The following TAMALIN variants were observed in gnomAD, a reference collection of about 807,000 sequenced individuals.
TAMALIN encodes the protein protein TAMALIN.
TAMALIN carries 9 observed loss-of-function variants against 38.5 expected under a neutral mutation model. The observed-to-expected ratio is 0.23, with a 90% CI of 0.14 to 0.41. The LOEUF is 0.41. Ranked by LOEUF, TAMALIN falls within the 10% of genes least tolerant of loss-of-function variation. The probability of loss-of-function intolerance (pLI) is 1.00; values close to 1 mark genes in which losing one functional copy is unlikely to be tolerated. For synonymous variants in TAMALIN, 306 were observed against 256.5 expected (o/e 1.19, Z -1.85); for missense variants, 548 against 554.1 (o/e 0.99, Z 0.11).
At position 52,008,666 on chromosome 12, in the gene TAMALIN, G is replaced by A. The variant is rs557000564; in HGVS notation, c.247-524G>A. Reference sequence around the variant, plus strand: ...TGGGATTGCCAGCCCTTCGGGACAGGGTCCCTGACCCCAGCCCTCCCAAGC... The same window carrying A: ...TGGGATTGCCAGCCCTTCGGGACAGAGTCCCTGACCCCAGCCCTCCCAAGC... On this transcript the variant is annotated intron_variant, in intron 1 of 7. Transcript: ENST00000293662. 1.9e-4 allele frequency: 189 copies of A among 985,384 alleles called. No homozygotes were observed. The Middle Eastern group carries it at 3.1e-3, about 16-fold the overall frequency. The allele number at this position is 985,384 out of a possible 1,614,324, so 61.0% of individuals were successfully genotyped here.
intron 2 of TAMALIN, among the ~76,000 whole-genome samples, chr12:52,010,192 G>C (rs1565630483): frequency 6.6e-6 from 1 of 152,232 alleles, no homozygotes; most frequent in Non-Finnish European, 1.5e-5. Flanking sequence ...CTGGTCTCCA[G>C]GGCCTTTCCG....
At chr12:52,014,029 T>C (rs1400923253) in intron 6 of TAMALIN, 86 bp downstream of exon 6, 2 of 1,541,210 alleles carry the variant, frequency 1.3e-6, no homozygotes, top group Non-Finnish European at 1.8e-6. Flanking sequence ...CTGAATCTCC[T>C]GTAACTGAAG....
chr12:52,014,742 G>A lies in TAMALIN; in HGVS notation c.731G>A (p.Arg244His). 1.3e-6 allele frequency: 2 copies of A among 1,518,342 alleles called. No homozygotes were observed. The highest frequency in any genetic ancestry group is 1.7e-6 in the Non-Finnish European group (2 of 1,145,882). The allele number at this position is 1,518,342 out of a possible 1,614,324, so 94.1% of individuals were successfully genotyped here. A position where few individuals can be genotyped will look rare whatever the true frequency, so the allele number is the denominator to read the frequency against. ...ATCTACGACACGCTGGAGTCGGTGC[G>A]CTCCTGCCTCTACGGCGCGGGCCTG... ...PSIYDTLESVRSCLYGAGLLP... is the reference protein window; with the variant it reads ...PSIYDTLESVHSCLYGAGLLP... Residue 244 changes from arginine (R) to histidine (H), a missense_variant, in exon 8 of 8, where the codon CGC becomes CAC. By Grantham distance (29) the Arg-to-His change is conservative. Coordinates refer to ENST00000293662, the MANE Select transcript of TAMALIN (RefSeq NM_181711.4).
chr12:52,009,246 C>T lies in TAMALIN; in HGVS notation c.296+7C>T. ...AGAGTCCTGAACAGCAGCGGTGAGT[C>T]ACCAACACCCAGCCCCTGCCATGGT... On this transcript the variant is annotated splice_region_variant and intron_variant, in intron 2 of 7. Coordinates refer to ENST00000293662, the MANE Select transcript of TAMALIN (RefSeq NM_181711.4). 3.7e-6 allele frequency: 6 copies of T among 1,613,710 alleles called. No homozygotes were observed. The highest frequency in any genetic ancestry group is 3.3e-5 in the South Asian group (3 of 91,080).
At chr12:52,013,117 G>A (rs1397340285) in intron 4 of TAMALIN, among the ~76,000 whole-genome samples, 7 of 136,878 alleles carry the variant, frequency 5.1e-5, no homozygotes, top group African/African-American at 1.7e-4. Context: ...TCGCTCTGTC[G>A]CCCAGGCTGG....
rs1246473218 is a variant in TAMALIN, at chr12:52,015,116, A to G, written c.1105A>G (p.Lys369Glu). The change falls in exon 8 of 8, where the codon AAG (lysine) becomes GAG (glutamate). Residue 369 changes from lysine (K) to glutamate (E), a missense_variant. Transcript: ENST00000293662. ...ALCGPGLRKTKYRSFRRRLLK... is the reference protein window; with the variant it reads ...ALCGPGLRKTEYRSFRRRLLK... ...ATGCGGCCCCGGCCTGCGCAAAACC[A>G]AGTACCGCAGCTTCCGCCGGCGGCT... The G allele has an allele frequency of 6.3e-7, 1 of 1,584,128 alleles. No homozygotes were observed. The highest frequency in any genetic ancestry group is 2.3e-5 in the East Asian group (1 of 44,176).
At chr12:52,009,118 A>G (rs1165117246) in intron 1 of TAMALIN, 72 bp from the exon 2 acceptor site, 5 of 1,461,302 alleles carry the variant, frequency 3.4e-6, no homozygotes, top group Non-Finnish European at 4.8e-6. Context: ...CGCTGTGTCC[A>G]GGGTAACCTC....
chr12:52,014,036 GA>G (rs1937726327), intron 6 of TAMALIN, 93 bp downstream of exon 6: 6 of 1,552,908 alleles, frequency 3.9e-6, no homozygotes, highest in Non-Finnish European at 4.4e-6. Context: ...TCCTGTAACT[GA>G]AGATTTCTTT....
Position 52,007,390 on chromosome 12 carries a change from G to T in TAMALIN, c.246+125G>T. The T allele has an allele frequency of 7.9e-7, 1 of 1,269,650 alleles. No homozygotes were observed. Among genetic ancestry groups the T allele is most frequent in the Non-Finnish European group, 9.9e-7 (1 of 1,008,704 alleles). The allele number at this position is 1,269,650 out of a possible 1,614,324, so 78.6% of individuals were successfully genotyped here. On this transcript the variant is annotated intron_variant, in intron 1 of 7. Coordinates refer to ENST00000293662, the MANE Select transcript of TAMALIN (RefSeq NM_181711.4). The surrounding 1 kb of genome is among the most constrained non-coding windows in gnomAD (Gnocchi z 6.7). ...CCCCCACCTTCTTCCCCGGCCCGCT[G>T]GGTGCCTCGACTCCCCGCGTTCCCC...
chr12:52,010,314 C>T lies in TAMALIN; in HGVS notation c.297-567C>T, dbSNP rs1308110611. On this transcript the variant is annotated intron_variant, in intron 2 of 7. Transcript: ENST00000293662. ...GGAAACTCTGGGCTCCCCCAGCAGG[C>T]GAGGATCTGGAGCAGCTCCAGACCA... Among the ~76,000 whole-genome samples, 4 of 152,260 alleles carry T rather than the reference C, an allele frequency of 2.6e-5. No individual in the cohort carries two copies. In the South Asian group the frequency reaches 6.2e-4, roughly 24 times the overall value.
chr12:52,014,806 G>T lies in TAMALIN; in HGVS notation c.795G>T (p.Val265=). 1 of 1,376,592 alleles carries T rather than the reference G, an allele frequency of 7.3e-7. No individual in the cohort carries two copies. 85.3% of individuals were successfully genotyped at this position (1,376,592 alleles called of 1,614,324 possible). The change falls in exon 8 of 8, where the codon GTG becomes GTT. Residue 265 remains valine, a synonymous_variant. Coordinates refer to ENST00000293662, the MANE Select transcript of TAMALIN (RefSeq NM_181711.4). ...GSLPFGPLLA[V]PGRPRGGARR... is the part of the protein sequence containing the mutation. ...TGCCCTTCGGGCCTCTGCTCGCCGTGCCCGGGCGTCCCCGCGGAGGCGCCC... is the reference window on the plus strand; with the variant it reads ...TGCCCTTCGGGCCTCTGCTCGCCGTTCCCGGGCGTCCCCGCGGAGGCGCCC...
chr12:52,008,810 T>C, intron 1 of TAMALIN: 1 of 962,638 alleles, frequency 1.0e-6, no homozygotes, highest in Non-Finnish European at 1.2e-6. Context: ...GAAGAGCCCC[T>C]GCCTCAGCTT....
chr12:52,007,007 C>G lies in TAMALIN; in HGVS notation c.-13C>G. ...GCCAGCGCCGTCTCTGAGGGGCGTC[C>G]GGCGCCGGAGCCATGACCCTCCGCC... On this transcript the variant is annotated 5_prime_UTR_variant, in exon 1 of 8. Coordinates refer to ENST00000293662, the MANE Select transcript of TAMALIN (RefSeq NM_181711.4). This position sits in a 1 kb window ranked among gnomAD's most constrained non-coding sequence, Gnocchi z 6.7. The G allele has an allele frequency of 7.3e-7, 1 of 1,372,926 alleles. No homozygotes were observed. Among genetic ancestry groups the G allele is most frequent in the East Asian group, 3.1e-5 (1 of 32,224 alleles). 85.0% of individuals were successfully genotyped at this position (1,372,926 alleles called of 1,614,324 possible).
At chr12:52,014,557 A>G (rs373851013) in intron 7 of TAMALIN, 137 bp from the exon 8 acceptor site, 67 of 664,888 alleles carry the variant, frequency 1.0e-4, no homozygotes, top group African/African-American at 1.0e-3. Flanking sequence ...GTAGGGTCTC[A>G]GGTTTGTGCC....
At chr12:52,014,222 G>T in intron 7 of TAMALIN, 21 bp downstream of exon 7, 1 of 1,578,282 alleles carries the variant, frequency 6.3e-7, no homozygotes, top group Admixed American at 1.8e-5. Context: ...CCCGGGGTGT[G>T]AGGGGCCACT....
In TAMALIN at chr12:52,007,432, T is replaced by C; in HGVS notation, c.246+167T>C. 1.0e-6 allele frequency: 1 copy of C among 985,114 alleles called. No individual in the cohort carries two copies. The highest frequency in any genetic ancestry group is 1.2e-6 in the Non-Finnish European group (1 of 829,822). The allele number at this position is 985,114 out of a possible 1,614,324, so 61.0% of individuals were successfully genotyped here. A position where few individuals can be genotyped will look rare whatever the true frequency, so the allele number is the denominator to read the frequency against. ...GCGTTCCCCGCTGCTGCGAAGGCCG[T>C]GGCCCTCGCCTGCACACCGCGCCCA... On this transcript the variant is annotated intron_variant, in intron 1 of 7. Coordinates refer to ENST00000293662, the MANE Select transcript of TAMALIN (RefSeq NM_181711.4). The surrounding 1 kb of genome is among the most constrained non-coding windows in gnomAD (Gnocchi z 6.7).
chr12:52,011,897 C>T lies in TAMALIN; in HGVS notation c.454+756C>T, dbSNP rs757854812. ...TAAGCCCCTACCTCCTTCCCACTTA[C>T]CAGCAGCCCGTGCTAGCTATCTTAG... On this transcript the variant is annotated intron_variant, in intron 4 of 7. Coordinates refer to ENST00000293662, the MANE Select transcript of TAMALIN (RefSeq NM_181711.4). The surrounding 1 kb of genome is among the most constrained non-coding windows in gnomAD (Gnocchi z 5.3). Among the ~76,000 whole-genome samples, 2 of 152,084 alleles carry T rather than the reference C, an allele frequency of 1.3e-5. No homozygotes were observed. Among genetic ancestry groups the T allele is most frequent in the Non-Finnish European group, 2.9e-5 (2 of 68,022 alleles).
chr12:52,014,935 C>T lies in TAMALIN; in HGVS notation c.924C>T (p.Phe308=). 2 of 1,012,052 alleles carry T rather than the reference C, an allele frequency of 2.0e-6. No homozygotes were observed. The highest frequency in any genetic ancestry group is 2.4e-6 in the Non-Finnish European group (2 of 846,434). The allele number at this position is 1,012,052 out of a possible 1,614,324, so 62.7% of individuals were successfully genotyped here. ...LPPPPPPARA[F]GPGPAETPAV... The stretch of plus-strand genomic sequence containing the variant: ...CCCCGCCGCCCCCGGCCCGCGCCTT[C>T]GGCCCGGGCCCCGCCGAGACCCCTG... Residue 308 remains phenylalanine, a synonymous_variant, in exon 8 of 8, where the codon TTC becomes TTT. Transcript: ENST00000293662.
rs757326061 is a variant in TAMALIN, at chr12:52,007,167, C to A, written c.148C>A (p.Pro50Thr). ...CCCTGCCGCAGCCGCCACCCCTGGGCCCCCAGCGGACGAGCTGTACGCGGC... is the reference window on the plus strand; with the variant it reads ...CCCTGCCGCAGCCGCCACCCCTGGGACCCCAGCGGACGAGCTGTACGCGGC... The part of the protein sequence containing the change: ...GPPAAAATPG[P>T]PADELYAALE... The change falls in exon 1 of 8, where the codon CCC becomes ACC. Residue 50 changes from proline (P) to threonine (T), a missense_variant. Physicochemically the swap from Pro to Thr is conservative, Grantham distance 38. Coordinates refer to ENST00000293662, the MANE Select transcript of TAMALIN (RefSeq NM_181711.4). This position sits in a 1 kb window ranked among gnomAD's most constrained non-coding sequence, Gnocchi z 6.7. The A allele has an allele frequency of 1.3e-6, 2 of 1,499,380 alleles. No homozygotes were observed. The highest frequency in any genetic ancestry group is 1.8e-6 in the Non-Finnish European group (2 of 1,133,946). 92.9% of individuals were successfully genotyped at this position (1,499,380 alleles called of 1,614,324 possible).
Sources: gnomAD v4.1 joint callset for allele counts (sites outside exome capture counted in the v4.1 genomes callset) on GRCh38, gnomAD v4.1.1 for gene constraint, Gnocchi (gnomAD v3.1) non-coding constraint, MANE v1.5 for transcripts, NCBI Gene and HGNC (gene_info 2026-07-23, HGNC 2026-07-21) for gene names.